MEG3: variants seen among roughly 807,000 people sequenced by gnomAD.
The protein encoded by MEG3 is maternally expressed 3, also known as Very putative protein from MEG3 locus.
chr14:100,844,304 C>T (rs1272701273), intron 2 of MEG3, among the ~76,000 whole-genome samples: 2 of 152,194 alleles, frequency 1.3e-5, no homozygotes, highest in South Asian at 2.1e-4. Flanking sequence ...TTCAAACAGA[C>T]CTTGGCCCTG....
At chr14:100,836,084 G>A (rs10147161) in intron 1 of MEG3, 5,296 of 389,914 alleles carry the variant, frequency 0.014, 174 homozygotes, top group African/African-American at 0.079. Flanking sequence ...AGGTGAGGCC[G>A]TGCCCCGAGT....
chr14:100,830,778 A>T (rs2139940390), downstream of MEG3: 1 of 152,376 alleles, frequency 6.6e-6, no homozygotes, highest in African/African-American at 2.4e-5. Flanking sequence ...CGGACAAGAC[A>T]AAAACAACTT....
chr14:100,851,073 G>A (rs112924824), intron 3 of MEG3: 516 of 152,502 alleles, frequency 3.4e-3, no homozygotes, highest in Non-Finnish European at 4.4e-3. Flanking sequence ...TCTTGGCTGT[G>A]TGGGCCATTT....
intron 2 of MEG3, among the ~76,000 whole-genome samples, chr14:100,838,112 T>G (rs2037643784): frequency 6.6e-6 from 1 of 152,166 alleles, no homozygotes; most frequent in Admixed American, 6.5e-5. Context: ...CTTACTAGAA[T>G]GCATTCGAGT....
At chr14:100,838,065 G>A (rs994580743) in intron 2 of MEG3, among the ~76,000 whole-genome samples, 1 of 152,176 alleles carries the variant, frequency 6.6e-6, no homozygotes, top group African/African-American at 2.4e-5. Context: ...TTGCACAGGG[G>A]CAGGCTGCTG....
exon 2 of MEG3, chr14:100,836,264 C>T (rs1463751981): frequency 2.2e-6 from 1 of 456,674 alleles, no homozygotes; most frequent in South Asian, 1.5e-5. Flanking sequence ...CCCAAGTCTT[C>T]TTCCTGGCGG....
intron 3 of MEG3, chr14:100,847,541 A>C (rs1716496610): frequency 6.6e-6 from 1 of 152,380 alleles, no homozygotes; most frequent in South Asian, 2.1e-4. Flanking sequence ...AATGCGATCG[A>C]TGGTGGCAAA....
intron 2 of MEG3, among the ~76,000 whole-genome samples, chr14:100,844,693 T>G (rs913395311): frequency 6.6e-6 from 1 of 152,222 alleles, no homozygotes; most frequent in Non-Finnish European, 1.5e-5. Flanking sequence ...CCTGTGGGTC[T>G]TGACAAATGT....
chr14:100,849,387 G>T (rs1434465695), intron 3 of MEG3: 2 of 152,060 alleles, frequency 1.3e-5, no homozygotes, highest in African/African-American at 4.8e-5. Flanking sequence ...ATAAATAAAA[G>T]AATAAGTATT....
At chr14:100,840,222 G>C (rs2037710501) in intron 2 of MEG3, among the ~76,000 whole-genome samples, 1 of 152,226 alleles carries the variant, frequency 6.6e-6, no homozygotes, top group Non-Finnish European at 1.5e-5. Context: ...CAGATGGAGA[G>C]TTCTTAAGTC....
Position 100,852,153 on chromosome 14 carries a change from C to G in MEG3, n.3121+6620C>G, listed in dbSNP as rs1057485158. 7.5e-5 allele frequency: 27 copies of G among 360,892 alleles called. No homozygotes were observed. The Admixed American group carries it at 8.8e-4, about 12-fold the overall frequency. The allele number at this position is 360,892 out of a possible 1,614,324, so 22.4% of individuals were successfully genotyped here. A position where few individuals can be genotyped will look rare whatever the true frequency, so the allele number is the denominator to read the frequency against. ...CATGCTCAGAGTGACTCTGTAGACG[C>G]TGGGTGGGATGGGGAGTGCGGGCGC... On this transcript the variant is annotated intron_variant and non_coding_transcript_variant, in intron 3 of 3. Coordinates refer to the MEG3 transcript ENST00000398461.
exon 1 of MEG3, chr14:100,834,973 C>T (rs911370320): frequency 1.8e-5 from 7 of 386,074 alleles, no homozygotes; most frequent in Admixed American, 1.4e-4. Context: ...AGCACGCCCA[C>T]GGCCCTGGTC....
At position 100,836,035 on chromosome 14, in the gene MEG3, C is replaced by A. The variant is rs141262576; in HGVS notation, n.2912-132C>A. The stretch of plus-strand genomic sequence containing the variant: ...TGCACCTTTTCCTGTCATTGGGCAT[C>A]CCCCAGTAGTCACCCCACTCCACCG... On this transcript the variant is annotated intron_variant and non_coding_transcript_variant, in intron 1 of 3. Coordinates refer to the MEG3 transcript ENST00000398461. The A allele has an allele frequency of 1.2e-3, 435 of 352,058 alleles. 1 individual carries two copies. The highest frequency in any genetic ancestry group is 2.1e-3 in the Non-Finnish European group (382 of 181,192). 21.8% of individuals were successfully genotyped at this position (352,058 alleles called of 1,614,324 possible).
intron 2 of MEG3, among the ~76,000 whole-genome samples, chr14:100,841,929 C>A (rs190565312): frequency 6.6e-6 from 1 of 152,174 alleles, no homozygotes; most frequent in Non-Finnish European, 1.5e-5. Context: ...TCTGTTGGCA[C>A]GGTGGCCCAG....
downstream of MEG3, chr14:100,830,853 T>C (rs2037378021): frequency 6.6e-6 from 1 of 152,588 alleles, no homozygotes; most frequent in Non-Finnish European, 1.5e-5. Context: ...AAGGGGCTGA[T>C]TGGATTATGT....
At chr14:100,834,895 G>T in exon 1 of MEG3, 2 of 438,874 alleles carry the variant, frequency 4.6e-6, no homozygotes, top group Non-Finnish European at 4.6e-6. Flanking sequence ...TTGAACGGGG[G>T]CCTTGCTGGT....
At chr14:100,859,586 G>A (rs2038344679) in exon 1 of MEG3, 1 of 152,110 alleles carries the variant, frequency 6.6e-6, no homozygotes, top group Non-Finnish European at 1.5e-5. Flanking sequence ...CCCACCGTTG[G>A]TGACAATCAG....
exon 1 of MEG3, chr14:100,834,386 G>A (rs903574855): frequency 3.8e-6 from 1 of 263,412 alleles, no homozygotes; most frequent in African/African-American, 2.2e-5. Context: ...CCCCCGGCAG[G>A]TTCTCTGGGG....
intron 3 of MEG3, chr14:100,849,829 A>T (rs1358013924): frequency 2.0e-5 from 3 of 152,230 alleles, no homozygotes; most frequent in African/African-American, 7.2e-5. Context: ...AACCAAAGTG[A>T]TAAATGGATA....
Sources: allele counts gnomAD v4.1 joint callset (sites outside exome capture counted in the v4.1 genomes callset), GRCh38; gene constraint gnomAD v4.1.1; transcripts MANE v1.5; gene names NCBI Gene and HGNC (gene_info 2026-07-23, HGNC 2026-07-21).